WASF2: variants seen among roughly 807,000 people sequenced by gnomAD.
WASF2 encodes the protein WASP family member 2, also known as actin-binding protein WASF2.
Under a neutral mutation model 45.0 loss-of-function variants are expected in WASF2, and 14 were observed. That is an observed-to-expected ratio of 0.31 (90% CI 0.21 to 0.49). WASF2 has a LOEUF of 0.49. Among genes scored for constraint, WASF2 ranks in the 20% least tolerant of loss-of-function variants. WASF2 has a pLI of 0.99. For synonymous variants in WASF2, 200 were observed against 236.3 expected, an observed-to-expected ratio of 0.85 and a Z score of 1.41; for missense variants, 439 against 636.1, an observed-to-expected ratio of 0.69 and a Z score of 3.33.
intron 1 of WASF2, among the ~76,000 whole-genome samples, chr1:27,471,332 G>A (rs1017354471): frequency 7.6e-5 from 10 of 131,700 alleles, no homozygotes; most frequent in Non-Finnish European, 9.3e-5. Flanking sequence ...GCGACAGAGC[G>A]AGACTCTGTC....
intron 1 of WASF2, among the ~76,000 whole-genome samples, chr1:27,442,400 C>T (rs1253172300): frequency 1.3e-5 from 2 of 151,036 alleles, no homozygotes; most frequent in East Asian, 2.0e-4. Flanking sequence ...AAAACTTAGC[C>T]AGGCGTGGTG....
In WASF2 at chr1:27,412,298, C is replaced by G. The variant is rs574886760; in HGVS notation, c.824+274G>C. Reference sequence around the variant, plus strand: ...CATGGCTCACTGCAGCCTTAACCTCCCAGGCTCAAGCGATCCTCCCACCTC... The same window carrying G: ...CATGGCTCACTGCAGCCTTAACCTCGCAGGCTCAAGCGATCCTCCCACCTC... On this transcript the variant is annotated intron_variant, in intron 7 of 8. Coordinates refer to ENST00000618852, the MANE Select transcript of WASF2 (RefSeq NM_006990.5). Among the ~76,000 whole-genome samples the G allele has an allele frequency of 2.0e-5, 3 of 152,264 alleles. No homozygotes were observed. The South Asian group carries it at 6.2e-4, about 32-fold the overall frequency.
chr1:27,416,142 A>C lies in WASF2; in HGVS notation c.420-40T>G, dbSNP rs1468272136. The stretch of plus-strand genomic sequence containing the variant: ...AAGACAAGTAGCTGTCAGTAGACAG[A>C]TGAGCTCCCAACCAAATCCAATATT... On this transcript the variant is annotated intron_variant, in intron 4 of 8. Transcript: ENST00000618852. 8.4e-6 allele frequency: 13 copies of C among 1,549,204 alleles called. No individual in the cohort carries two copies. In the Admixed American group the frequency reaches 2.0e-4, roughly 24 times the overall value.
intron 1 of WASF2, among the ~76,000 whole-genome samples, chr1:27,469,800 G>T (rs2017665501): frequency 6.6e-6 from 1 of 152,048 alleles, no homozygotes; most frequent in Admixed American, 6.6e-5. Context: ...AAATTAGCCA[G>T]GTGTGGTGGT....
At chr1:27,470,627 G>C (rs1488044431) in intron 1 of WASF2, among the ~76,000 whole-genome samples, 1 of 151,140 alleles carries the variant, frequency 6.6e-6, no homozygotes, top group Admixed American at 6.6e-5. Flanking sequence ...ATAGAAATAT[G>C]TGAGTCAAAA....
At chr1:27,439,640 A>T (rs765656928) in intron 1 of WASF2, among the ~76,000 whole-genome samples, 22 of 152,222 alleles carry the variant, frequency 1.4e-4, no homozygotes, top group Non-Finnish European at 5.9e-5. Context: ...TTCAATTATG[A>T]CAATAGAAAG....
chr1:27,429,986 T>C (rs1329571973), intron 1 of WASF2, among the ~76,000 whole-genome samples: 1 of 152,192 alleles, frequency 6.6e-6, no homozygotes, highest in Non-Finnish European at 1.5e-5. Context: ...TCAACACACC[T>C]GGGCCAAAAG....
chr1:27,454,558 G>T (rs1047218461), intron 1 of WASF2, among the ~76,000 whole-genome samples: 1 of 151,840 alleles, frequency 6.6e-6, no homozygotes, highest in Non-Finnish European at 1.5e-5. Flanking sequence ...GGGTGGTCTC[G>T]AACTACTGGG....
intron 1 of WASF2, among the ~76,000 whole-genome samples, chr1:27,479,998 G>A: frequency 6.6e-6 from 1 of 152,232 alleles, no homozygotes; most frequent in East Asian, 1.9e-4. Context: ...AACTTTAAAA[G>A]TAAAGATAGG....
intron 4 of WASF2, among the ~76,000 whole-genome samples, chr1:27,417,673 T>G (rs1027687772): frequency 2.0e-4 from 30 of 152,230 alleles, no homozygotes; most frequent in African/African-American, 6.5e-4. Flanking sequence ...GCTACCTTCT[T>G]TTTCAAGTCC....
intron 1 of WASF2, among the ~76,000 whole-genome samples, chr1:27,454,114 T>C (rs924709655): frequency 6.9e-6 from 1 of 145,164 alleles, no homozygotes; most frequent in Non-Finnish European, 1.5e-5. Context: ...TATATGTGTA[T>C]ATATATGTGT....
intron 2 of WASF2, among the ~76,000 whole-genome samples, chr1:27,426,032 A>T (rs566931229): frequency 4.0e-5 from 6 of 148,578 alleles, no homozygotes; most frequent in South Asian, 4.2e-4. Context: ...CACAAAAATT[A>T]AAAAAAAAAA....
chr1:27,432,716 GT>G (rs2017083665), intron 1 of WASF2, among the ~76,000 whole-genome samples: 1 of 146,692 alleles, frequency 6.8e-6, no homozygotes, highest in Admixed American at 6.9e-5. Flanking sequence ...AAATCCTCCT[GT>G]AGAATAAATC....
chr1:27,422,380 G>T (rs556489221), intron 2 of WASF2, among the ~76,000 whole-genome samples: 177 of 152,272 alleles, frequency 1.2e-3, no homozygotes, highest in Non-Finnish European at 2.2e-3. Context: ...AGCACTTTGG[G>T]AGGCTGAGGT....
chr1:27,419,801 T>C (rs779979476), intron 2 of WASF2, among the ~76,000 whole-genome samples: 5 of 152,224 alleles, frequency 3.3e-5, no homozygotes, highest in South Asian at 4.1e-4. Context: ...CTATGATCAG[T>C]TGTGTTATCT....
intron 1 of WASF2, among the ~76,000 whole-genome samples, chr1:27,489,721 C>T (rs2018003134): frequency 1.3e-5 from 2 of 152,194 alleles, no homozygotes; most frequent in African/African-American, 4.8e-5. Context: ...GATGGCAGAA[C>T]CAGGTCAGGC....
intron 1 of WASF2, among the ~76,000 whole-genome samples, chr1:27,429,332 C>T (rs995685058): frequency 6.6e-6 from 1 of 152,130 alleles, no homozygotes; most frequent in Non-Finnish European, 1.5e-5. Context: ...ATAACCAGGA[C>T]AGATCAGATT....
At chr1:27,409,307 A>C (rs12084031) in intron 8 of WASF2, among the ~76,000 whole-genome samples, 14 of 151,268 alleles carry the variant, frequency 9.3e-5, no homozygotes, top group African/African-American at 2.4e-4. Context: ...CGCCTGTAGT[A>C]CCAGCTACTC....
At chr1:27,441,804 T>G (rs528235323) in intron 1 of WASF2, among the ~76,000 whole-genome samples, 44 of 146,798 alleles carry the variant, frequency 3.0e-4, no homozygotes, top group African/African-American at 1.1e-3. Flanking sequence ...CACATGCCTG[T>G]AGTCCCAGCT....
Sources: allele counts gnomAD v4.1 joint callset (sites outside exome capture counted in the v4.1 genomes callset), GRCh38; gene constraint gnomAD v4.1.1; transcripts MANE v1.5; gene names NCBI Gene and HGNC (gene_info 2026-07-23, HGNC 2026-07-21).